MAGI2: variants seen among roughly 807,000 people sequenced by gnomAD.
MAGI2 encodes the protein membrane associated guanylate kinase, WW and PDZ domain containing 2, also known as membrane-associated guanylate kinase, WW and PDZ domain-containing protein 2.
MAGI2 carries 35 observed loss-of-function variants against 133.3 expected under a neutral mutation model. The ratio of observed to expected loss-of-function variants is 0.26; its 90% CI spans 0.20 to 0.35. The LOEUF is 0.35. Ranked by LOEUF, MAGI2 falls within the 10% of genes least tolerant of loss-of-function variation. The probability of loss-of-function intolerance (pLI) is 1.00; values close to 1 mark genes in which losing one functional copy is unlikely to be tolerated. For missense variants in MAGI2, 1,636 were observed against 1,863.4 expected (o/e 0.88, Z 2.25); for synonymous variants, 729 against 710.6 (o/e 1.03, Z -0.41).
rs891091292 is a variant in MAGI2, at chr7:78,969,037, A to G, written c.418+38053T>C. Among the ~76,000 whole-genome samples the G allele has an allele frequency of 1.4e-4, 22 of 152,214 alleles. 1 individual carries two copies. Among genetic ancestry groups the G allele is most frequent in the Non-Finnish European group, 4.4e-5 (3 of 67,992 alleles). ...AGCTATGTAAGCTAGAGGCTTGCAT[A>G]TGTAAATGCCAGCAGCTGCACCTGG... On this transcript the variant is annotated intron_variant, in intron 2 of 21. Coordinates refer to ENST00000354212, the MANE Select transcript of MAGI2 (RefSeq NM_012301.4).
At chr7:79,094,583 C>T (rs926359204) in intron 1 of MAGI2, among the ~76,000 whole-genome samples, 1 of 152,144 alleles carries the variant, frequency 6.6e-6, no homozygotes, top group Non-Finnish European at 1.5e-5. Flanking sequence ...GAAACAGTGT[C>T]TATGGAAGCT....
At chr7:79,001,536 T>C (rs1281075468) in intron 2 of MAGI2, among the ~76,000 whole-genome samples, 1 of 152,200 alleles carries the variant, frequency 6.6e-6, no homozygotes, top group African/African-American at 2.4e-5. Context: ...ATATCAAAGC[T>C]AGAAAGGACT....
At chr7:78,736,531 A>C (rs1446092932) in intron 2 of MAGI2, among the ~76,000 whole-genome samples, 1 of 152,210 alleles carries the variant, frequency 6.6e-6, no homozygotes, top group Non-Finnish European at 1.5e-5. Context: ...TAACCCTAGA[A>C]TAGATGTTCT....
chr7:79,365,635 A>G (rs1842651220), intron 1 of MAGI2, among the ~76,000 whole-genome samples: 1 of 152,038 alleles, frequency 6.6e-6, no homozygotes, highest in African/African-American at 2.4e-5. Flanking sequence ...AGGCGGGCAG[A>G]TCACTTGAGG....
chr7:78,649,083 C>T (rs979839634), intron 2 of MAGI2, among the ~76,000 whole-genome samples: 1 of 151,676 alleles, frequency 6.6e-6, no homozygotes, highest in Non-Finnish European at 1.5e-5. Context: ...TGACTGGTTG[C>T]CATTTTGTGA....
chr7:78,230,211 G>A (rs1052957002), intron 10 of MAGI2, among the ~76,000 whole-genome samples: 3 of 152,198 alleles, frequency 2.0e-5, no homozygotes, highest in Non-Finnish European at 4.4e-5. Context: ...GTTTTGAATT[G>A]CATTAAAGTG....
intron 2 of MAGI2, among the ~76,000 whole-genome samples, chr7:78,690,501 C>T (rs1327743144): frequency 2.0e-5 from 3 of 152,172 alleles, no homozygotes. Flanking sequence ...AGCCACTCAC[C>T]AGATACTTTT....
intron 1 of MAGI2, among the ~76,000 whole-genome samples, chr7:79,054,237 A>T (rs1264894005): frequency 2.0e-5 from 3 of 152,156 alleles, no homozygotes; most frequent in Non-Finnish European, 4.4e-5. Flanking sequence ...ATGTAAGTAC[A>T]TACAGTAAGT....
At chr7:78,283,188 ATTCTAAAAC>A (rs2151018049) in intron 9 of MAGI2, among the ~76,000 whole-genome samples, 1 of 152,222 alleles carries the variant, frequency 6.6e-6, no homozygotes, top group Admixed American at 6.5e-5. Flanking sequence ...AAATTTGAAT[ATTCTAAAAC>A]TTAAGTACAG....
chr7:78,399,169 AC>A (rs1357997030), intron 6 of MAGI2, among the ~76,000 whole-genome samples: 4 of 152,236 alleles, frequency 2.6e-5, no homozygotes, highest in African/African-American at 9.6e-5. Flanking sequence ...ATTGGATAAC[AC>A]CAAGGAATAA....
intron 10 of MAGI2, among the ~76,000 whole-genome samples, chr7:78,211,795 T>C (rs1365201958): frequency 6.6e-6 from 1 of 152,262 alleles, no homozygotes; most frequent in Non-Finnish European, 1.5e-5. Flanking sequence ...TTCACTGTTT[T>C]CCACTTTTTG....
chr7:79,070,953 T>A (rs1043936357), intron 1 of MAGI2, among the ~76,000 whole-genome samples: 1 of 152,178 alleles, frequency 6.6e-6, no homozygotes, highest in Non-Finnish European at 1.5e-5. Context: ...TGTCAATTCA[T>A]CAAACTCATT....
intron 1 of MAGI2, among the ~76,000 whole-genome samples, chr7:79,297,369 G>T (rs1837019001): frequency 6.6e-6 from 1 of 152,154 alleles, no homozygotes; most frequent in Admixed American, 6.6e-5. Flanking sequence ...TGAGCTCAGT[G>T]CCTTCTCCTT....
chr7:78,269,972 CT>C (rs1562720126), intron 9 of MAGI2, among the ~76,000 whole-genome samples: 1 of 151,980 alleles, frequency 6.6e-6, no homozygotes, highest in East Asian at 1.9e-4. Flanking sequence ...CCAGTTTCAG[CT>C]TTCTGCATAT....
intron 9 of MAGI2, among the ~76,000 whole-genome samples, chr7:78,264,287 G>T (rs548997127): frequency 6.6e-6 from 1 of 152,220 alleles, no homozygotes; most frequent in South Asian, 2.1e-4. Context: ...TGATAATTAG[G>T]TTAGATTGAG....
At chr7:78,269,302 G>A (rs763298089) in intron 9 of MAGI2, among the ~76,000 whole-genome samples, 3 of 152,192 alleles carry the variant, frequency 2.0e-5, no homozygotes, top group Non-Finnish European at 4.4e-5. Context: ...TATACAACCA[G>A]TAATGGGATT....
chr7:78,301,211 C>T (rs1260005876), intron 9 of MAGI2, among the ~76,000 whole-genome samples: 2 of 152,020 alleles, frequency 1.3e-5, no homozygotes, highest in African/African-American at 2.4e-5. Context: ...CTTTAAGATG[C>T]CAGACATAAA....
chr7:78,408,013 T>C (rs191138049), intron 6 of MAGI2, among the ~76,000 whole-genome samples: 205 of 152,238 alleles, frequency 1.3e-3, no homozygotes, highest in African/African-American at 4.8e-3. Flanking sequence ...AGGGATAGTC[T>C]AACTTTTCTG....
At position 78,138,915 on chromosome 7, in the gene MAGI2, G is replaced by C. The variant is rs530858568; in HGVS notation, c.2846-3709C>G. On this transcript the variant is annotated intron_variant, in intron 16 of 21. Transcript: ENST00000354212. ...ATATGTTGGAGGTTGAAAGCAATTT[G>C]AATTACGAAGAGCAAGCGAATGACT... Among the ~76,000 whole-genome samples the C allele has an allele frequency of 2.6e-5, 4 of 152,272 alleles. No individual in the cohort carries two copies. In the East Asian group the frequency reaches 5.8e-4, roughly 22 times the overall value.
Sources: gnomAD v4.1 joint callset for allele counts (sites outside exome capture counted in the v4.1 genomes callset) on GRCh38, gnomAD v4.1.1 for gene constraint, MANE v1.5 for transcripts, NCBI Gene and HGNC (gene_info 2026-07-23, HGNC 2026-07-21) for gene names.